Variants in HYAL4 observed in about 807,000 individuals in gnomAD.
HYAL4 encodes the protein hyaluronidase-4.
In HYAL4, 37 loss-of-function variants were observed where a neutral mutation model predicts 35.2. The ratio of observed to expected loss-of-function variants is 1.05; its 90% CI spans 0.81 to 1.38. The LOEUF (loss-of-function observed/expected upper bound fraction) is 1.38. Among genes scored for constraint, HYAL4 ranks in the 40% most tolerant of loss-of-function variants. The pLI is 0.00. For synonymous variants in HYAL4, 198 were observed against 203.2 expected, an observed-to-expected ratio of 0.97 and a Z score of 0.22; for missense variants, 572 against 572.4, an observed-to-expected ratio of 1.00 and a Z score of 0.01.
chr7:123,798,291 A>G, the HYAL4 span, among the ~76,000 whole-genome samples: 2 of 152,290 alleles, frequency 1.3e-5, no homozygotes, highest in Non-Finnish European at 2.9e-5. Flanking sequence ...AAACTATGCA[A>G]TTATCAGAGC....
the HYAL4 span, among the ~76,000 whole-genome samples, chr7:123,797,669 G>C: frequency 6.6e-6 from 1 of 152,208 alleles, no homozygotes; most frequent in East Asian, 1.9e-4. Context: ...CCTGGGCCTA[G>C]CATATGTAAA....
the HYAL4 span, among the ~76,000 whole-genome samples, chr7:123,782,146 A>C: frequency 6.6e-6 from 1 of 152,294 alleles, no homozygotes. Flanking sequence ...ATCATTTACA[A>C]TGTGGTTAAT....
chr7:123,855,976 C>T (rs1316255638), intron 2 of HYAL4, among the ~76,000 whole-genome samples: 1 of 151,602 alleles, frequency 6.6e-6, no homozygotes, highest in Non-Finnish European at 1.5e-5. Flanking sequence ...ATCCTTTCTT[C>T]TGCTTGATTG....
intron 2 of HYAL4, among the ~76,000 whole-genome samples, chr7:123,859,871 C>T (rs372871009): frequency 6.6e-5 from 10 of 152,214 alleles, no homozygotes; most frequent in African/African-American, 2.2e-4. Context: ...GCTCACTTCT[C>T]TCACTTAGCC....
At position 123,846,750 on chromosome 7, in the gene HYAL4, C is replaced by A. The variant is rs986590600; in HGVS notation, c.-122+1065C>A. Among the ~76,000 whole-genome samples the A allele has an allele frequency of 2.6e-5, 4 of 152,266 alleles. No homozygotes were observed. In the South Asian group the frequency reaches 8.3e-4, roughly 32 times the overall value. On this transcript the variant is annotated intron_variant, in intron 1 of 4. Transcript: ENST00000223026. Reference sequence around the variant, plus strand: ...TTTTCCAAATACCTCTGGCAGCCCTCCCCAAGGACTCCTATGAGACAAGGC... The same window carrying A: ...TTTTCCAAATACCTCTGGCAGCCCTACCCAAGGACTCCTATGAGACAAGGC...
the HYAL4 span, chr7:123,790,633 G>A: frequency 5.0e-5 from 7 of 138,938 alleles, no homozygotes; most frequent in East Asian, 2.1e-4. Flanking sequence ...ACGAATTTGC[G>A]TGTCATCCTT....
the HYAL4 span, among the ~76,000 whole-genome samples, chr7:123,808,831 C>A: frequency 6.6e-6 from 1 of 152,140 alleles, no homozygotes; most frequent in African/African-American, 2.4e-5. Context: ...GTTGGAGCAC[C>A]TTTTCACTGT....
At chr7:123,780,639 T>C in the HYAL4 span, among the ~76,000 whole-genome samples, 1 of 152,108 alleles carries the variant, frequency 6.6e-6, no homozygotes, top group South Asian at 2.1e-4. Flanking sequence ...GTCACATATG[T>C]GGGGAAAAGC....
At chr7:123,809,394 T>C in the HYAL4 span, among the ~76,000 whole-genome samples, 1 of 134,054 alleles carries the variant, frequency 7.5e-6, no homozygotes, top group African/African-American at 2.7e-5. Flanking sequence ...TTTCTTCTTC[T>C]TTTTTTTTTT....
At chr7:123,778,159 G>GTCTATCTATCTATCTA in the HYAL4 span, among the ~76,000 whole-genome samples, 96 of 120,822 alleles carry the variant, frequency 7.9e-4, no homozygotes, top group Non-Finnish European at 9.2e-4. Flanking sequence ...CTGTCTGTCT[G>GTCTATCTATCTATCTA]TCTATCTATC....
chr7:123,789,197 A>G, the HYAL4 span, among the ~76,000 whole-genome samples: 7 of 152,340 alleles, frequency 4.6e-5, no homozygotes, highest in African/African-American at 1.7e-4. Flanking sequence ...CTAGAGGTGG[A>G]AACAACACAA....
the HYAL4 span, among the ~76,000 whole-genome samples, chr7:123,784,015 GTACT>G: frequency 0.14 from 21,235 of 152,108 alleles, 1,756 homozygotes; most frequent in African/African-American, 0.21. Context: ...CCTCCAGAAA[GTACT>G]TAGTCACTGT....
the HYAL4 span, among the ~76,000 whole-genome samples, chr7:123,812,161 T>G: frequency 6.6e-6 from 1 of 152,126 alleles, no homozygotes; most frequent in African/African-American, 2.4e-5. Flanking sequence ...CTTTTTACAA[T>G]GTGTGGAATT....
chr7:123,814,017 T>C, the HYAL4 span: 2 of 152,216 alleles, frequency 1.3e-5, no homozygotes, highest in East Asian at 3.8e-4. Flanking sequence ...CTCAAAGATA[T>C]TTTAAAATAT....
At chr7:123,770,440 TAAAAAA>T in the HYAL4 span, among the ~76,000 whole-genome samples, 3 of 118,506 alleles carry the variant, frequency 2.5e-5, no homozygotes, top group African/African-American at 9.3e-5. Flanking sequence ...AGACTCCATC[TAAAAAA>T]AAAAAAAAAA....
At chr7:123,843,515 C>T (rs1806109946), upstream of HYAL4, among the ~76,000 whole-genome samples, 2 of 151,954 alleles carry the variant, frequency 1.3e-5, no homozygotes, top group African/African-American at 4.8e-5. Context: ...GTGCTGTTCT[C>T]TGTATTTCCT....
At chr7:123,799,453 T>G in the HYAL4 span, among the ~76,000 whole-genome samples, 1 of 150,046 alleles carries the variant, frequency 6.7e-6, no homozygotes, top group Non-Finnish European at 1.5e-5. Context: ...AAAATTAAAT[T>G]ATAAATTATA....
At chr7:123,786,881 G>T in the HYAL4 span, among the ~76,000 whole-genome samples, 1 of 152,006 alleles carries the variant, frequency 6.6e-6, no homozygotes, top group African/African-American at 2.4e-5. Context: ...GCTGAGGCGG[G>T]CAGATAACCT....
At chr7:123,802,728 A>G in the HYAL4 span, among the ~76,000 whole-genome samples, 1 of 152,330 alleles carries the variant, frequency 6.6e-6, no homozygotes, top group African/African-American at 2.4e-5. Flanking sequence ...ATACTAAAGG[A>G]AAAGCCAAGT....
Sources: allele counts gnomAD v4.1 joint callset (sites outside exome capture counted in the v4.1 genomes callset), GRCh38; gene constraint gnomAD v4.1.1; transcripts MANE v1.5; gene names NCBI Gene and HGNC (gene_info 2026-07-23, HGNC 2026-07-21).